Variants in SACS observed in about 807,000 individuals in gnomAD.
SACS encodes the protein sacsin molecular chaperone, also known as sacsin.
A neutral mutation model predicts 348.0 loss-of-function variants in SACS; 197 were observed. The ratio of observed to expected loss-of-function variants is 0.57; its 90% CI spans 0.50 to 0.64. SACS has a LOEUF of 0.64. Among genes scored for constraint, SACS ranks in the 30% least tolerant of loss-of-function variants. The probability of loss-of-function intolerance (pLI) is 0.00; values close to 1 mark genes in which losing one functional copy is unlikely to be tolerated. For synonymous variants in SACS, 1,985 were observed against 1,910.6 expected (o/e 1.04, Z -1.02); for missense variants, 4,999 against 5,360.8 (o/e 0.93, Z 2.11).
chr13:23,371,872 G>GT (rs1300350707), intron 3 of SACS, among the ~76,000 whole-genome samples: 3 of 152,166 alleles, frequency 2.0e-5, no homozygotes, highest in African/African-American at 4.8e-5. Context: ...ATGCACAGAG[G>GT]TAAGTACTAA....
At chr13:23,369,747 G>A (rs919761758) in intron 4 of SACS, among the ~76,000 whole-genome samples, 1 of 151,862 alleles carries the variant, frequency 6.6e-6, no homozygotes, top group Non-Finnish European at 1.5e-5. Flanking sequence ...GGGTTTTACC[G>A]TGTTAGCCAG....
chr13:23,387,596 C>A (rs1302885762), intron 2 of SACS, among the ~76,000 whole-genome samples: 1 of 152,110 alleles, frequency 6.6e-6, no homozygotes, highest in Non-Finnish European at 1.5e-5. Context: ...TCACCCTGAC[C>A]GTTTCTTTTT....
At chr13:23,349,951 G>A (rs1474577138) in intron 9 of SACS, among the ~76,000 whole-genome samples, 1 of 152,170 alleles carries the variant, frequency 6.6e-6, no homozygotes, top group Non-Finnish European at 1.5e-5. Flanking sequence ...TCATGGGAGT[G>A]GATGAATGTA....
chr13:23,418,859 G>C (rs1383272978), intron 1 of SACS: 1 of 152,212 alleles, frequency 6.6e-6, no homozygotes, highest in Non-Finnish European at 1.5e-5. Context: ...GTGCCCATGG[G>C]TTTGTCTCCA....
At chr13:23,373,199 G>T (rs1053311498) in intron 3 of SACS, among the ~76,000 whole-genome samples, 23 of 152,108 alleles carry the variant, frequency 1.5e-4, no homozygotes, top group Admixed American at 1.5e-3. Flanking sequence ...AAGAGATGTC[G>T]GCAGGCATAG....
intron 8 of SACS, 144 bp downstream of exon 8, chr13:23,354,375 T>C (rs1870176432): frequency 1.4e-6 from 1 of 695,504 alleles, no homozygotes; most frequent in Non-Finnish European, 2.5e-6. Flanking sequence ...CCTTTGGTAT[T>C]TTAACAATGT....
intron 1 of SACS, among the ~76,000 whole-genome samples, chr13:23,425,999 T>C (rs966706023): frequency 3.9e-5 from 6 of 152,238 alleles, no homozygotes; most frequent in Non-Finnish European, 8.8e-5. Context: ...TGATCTTATT[T>C]CAGTCTCATA....
At chr13:23,401,254 A>G (rs1299669865) in intron 2 of SACS, among the ~76,000 whole-genome samples, 1 of 152,190 alleles carries the variant, frequency 6.6e-6, no homozygotes, top group Non-Finnish European at 1.5e-5. Context: ...CTCCCATTCT[A>G]TTCAAAGTCA....
rs757326594 is a variant in SACS, at chr13:23,330,467, T to G, written c.13409A>C (p.Asn4470Thr). The G allele has an allele frequency of 8.7e-6, 14 of 1,614,214 alleles. No homozygotes were observed. The highest frequency in any genetic ancestry group is 2.2e-5 in the East Asian group (1 of 44,884). ...GTAACATTTAAAGCACACCCACTCA[T>G]TGGCATTTTTATGAAGGTCATTCCT... Reference protein sequence around the residue: ...AARNDLHKNANEWVCFKCYLS... With the variant: ...AARNDLHKNATEWVCFKCYLS... Residue 4470 changes from asparagine (N) to threonine (T), a missense_variant, in exon 10 of 10, where the codon AAT becomes ACT. Asn to Thr is a moderately conservative substitution (Grantham distance 65). Coordinates refer to ENST00000382292, the MANE Select transcript of SACS (RefSeq NM_014363.6).
Position 23,331,786 on chromosome 13 carries a change from A to C in SACS, c.12090T>G (p.Asn4030Lys). The change falls in exon 10 of 10, where the codon AAT (asparagine) becomes AAG (lysine). Residue 4030 changes from asparagine to lysine, a missense_variant. Transcript: ENST00000382292. ...KHENDNAFLA[N>K]EEKAIRLCKA... The stretch of plus-strand genomic sequence containing the variant: ...TGCAAAGTCTTATGGCTTTTTCTTC[A>C]TTGGCCAGAAAAGCATTATCATTTT... 1 of 1,613,900 alleles carries C rather than the reference A, an allele frequency of 6.2e-7. No homozygotes were observed. Among genetic ancestry groups the C allele is most frequent in the Non-Finnish European group, 8.5e-7 (1 of 1,179,912 alleles).
chr13:23,359,090 G>C (rs1042356427), intron 6 of SACS, among the ~76,000 whole-genome samples: 1 of 152,118 alleles, frequency 6.6e-6, no homozygotes. Context: ...GCTGAGATAG[G>C]AGAACTGCTT....
At chr13:23,375,646 GCCCCT>G in intron 2 of SACS, 2 of 791,530 alleles carry the variant, frequency 2.5e-6, no homozygotes, top group Non-Finnish European at 3.0e-6. Flanking sequence ...GATCCGCCCC[GCCCCT>G]CCCGCCAGGC....
In SACS at chr13:23,336,327, T is replaced by C. The variant is rs981633088; in HGVS notation, c.7549A>G (p.Thr2517Ala). 1 of 1,614,126 alleles carries C rather than the reference T, an allele frequency of 6.2e-7. No homozygotes were observed. Among genetic ancestry groups the C allele is most frequent in the African/African-American group, 1.3e-5 (1 of 75,068 alleles). ...ERYASNVCFT[T>A]LGTEFGQKEK... ...TTCTGCCCAAATTCTGTGCCAAGTG[T>C]TGTAAAACAGACATTGGATGCATAT... The change falls in exon 10 of 10, where the codon ACA (threonine) becomes GCA (alanine). Residue 2517 changes from threonine (T) to alanine (A), a missense_variant. Thr to Ala is a moderately conservative substitution (Grantham distance 58, BLOSUM62 0). Transcript: ENST00000382292.
chr13:23,331,223 G>A lies in SACS; in HGVS notation c.12653C>T (p.Ser4218Phe). Residue 4218 changes from serine to phenylalanine, a missense_variant, in exon 10 of 10, where the codon TCT becomes TTT. Coordinates refer to ENST00000382292, the MANE Select transcript of SACS (RefSeq NM_014363.6). ...CTGATATATCTTTCCTAGAAAACTA[G>A]AATTGTCAGCATCTTCTCTTTCAAC... ...QEVEREDADN[S>F]SFLGKIYQID... 2 of 1,613,798 alleles carry A rather than the reference G, an allele frequency of 1.2e-6. No homozygotes were observed. Among genetic ancestry groups the A allele is most frequent in the Non-Finnish European group, 8.5e-7 (1 of 1,179,838 alleles).
Position 23,355,130 on chromosome 13 carries a change from C to A in SACS, c.1482G>T (p.Glu494Asp). Residue 494 changes from glutamate (E) to aspartate (D), a missense_variant, in exon 8 of 10, where the codon GAG becomes GAT. Physicochemically the swap from Glu to Asp is conservative, Grantham distance 45. This residue lies in a region of SACS where 3,156 missense variants were observed against 3,380.1 expected (regional missense o/e 0.93). Coordinates refer to ENST00000382292, the MANE Select transcript of SACS (RefSeq NM_014363.6). Reference protein sequence around the residue: ...QWRDPAALWNEFLVMNVVPKA... With the variant: ...QWRDPAALWNDFLVMNVVPKA... ...TGGGGACAACATTCATGACAAGAAA[C>A]TCATTCCATAAGGCTGCCGGGTCTC... The A allele has an allele frequency of 6.2e-7, 1 of 1,614,196 alleles. No homozygotes were observed. The highest frequency in any genetic ancestry group is 8.5e-7 in the Non-Finnish European group (1 of 1,180,050).
In SACS at chr13:23,340,388, C is replaced by T; in HGVS notation, c.3488G>A (p.Arg1163Lys). Residue 1163 changes from arginine (R) to lysine (K), a missense_variant, in exon 10 of 10, where the codon AGG becomes AAG. By Grantham distance (26) the Arg-to-Lys change is conservative. Around this residue, in one of 6 missense-constraint regions of SACS, gnomAD observed 3,156 missense variants for 3,380.1 expected, o/e 0.93. Coordinates refer to ENST00000382292, the MANE Select transcript of SACS (RefSeq NM_014363.6). ...KIKWVPACKERPPNYPGSLVW... is the reference protein window; with the variant it reads ...KIKWVPACKEKPPNYPGSLVW... Reference sequence around the variant, plus strand: ...CAAAGAGCCTGGATAATTTGGAGGCCTTTCCTTGCAGGCTGGAACCCATTT... The same window carrying T: ...CAAAGAGCCTGGATAATTTGGAGGCTTTTCCTTGCAGGCTGGAACCCATTT... The T allele has an allele frequency of 6.2e-7, 1 of 1,614,128 alleles. No individual in the cohort carries two copies. The highest frequency in any genetic ancestry group is 8.5e-7 in the Non-Finnish European group (1 of 1,180,010).
chr13:23,370,408 C>T (rs761893186), intron 4 of SACS, among the ~76,000 whole-genome samples: 7 of 152,128 alleles, frequency 4.6e-5, no homozygotes, highest in Non-Finnish European at 8.8e-5. Flanking sequence ...TCCATCATCT[C>T]CAAAAGTTTC....
intron 7 of SACS, among the ~76,000 whole-genome samples, chr13:23,357,705 G>A (rs1443769743): frequency 1.3e-5 from 2 of 152,128 alleles, no homozygotes; most frequent in Admixed American, 1.3e-4. Context: ...TTCTACAAGA[G>A]CCATATACTC....
chr13:23,334,858 C>T lies in SACS; in HGVS notation c.9018G>A (p.Leu3006=), dbSNP rs201012666. 6.2e-7 allele frequency: 1 copy of T among 1,613,802 alleles called. No individual in the cohort carries two copies. The highest frequency in any genetic ancestry group is 8.5e-7 in the Non-Finnish European group (1 of 1,179,820). The change falls in exon 10 of 10, where the codon TTG becomes TTA. Residue 3006 remains leucine, a synonymous_variant. Transcript: ENST00000382292. ...TCCAAGTAATTATAACTGCAGAGTG[C>T]AAGTCAGAGCCATCAATATTTGGAG... The part of the protein sequence containing the change: ...VRAPNIDGSD[L]HSAVIITWIN...
Sources: gnomAD v4.1 joint callset for allele counts (sites outside exome capture counted in the v4.1 genomes callset) on GRCh38, gnomAD v4.1.1 for gene constraint, gnomAD v4.1.1 regional missense constraint, MANE v1.5 for transcripts, NCBI Gene and HGNC (gene_info 2026-07-23, HGNC 2026-07-21) for gene names.